AP3S2: variants seen among roughly 807,000 people sequenced by gnomAD.
AP3S2 encodes the protein AP-3 complex subunit sigma-2.
AP3S2 carries 22 observed loss-of-function variants against 23.4 expected under a neutral mutation model. That is an observed-to-expected ratio of 0.94 (90% CI 0.67 to 1.34). The LOEUF is 1.34. Among genes scored for constraint, AP3S2 ranks in the 40% most tolerant of loss-of-function variants. The pLI, the probability that AP3S2 is intolerant of heterozygous loss-of-function variation, is 0.00. For missense variants in AP3S2, 241 were observed against 236.9 expected, an observed-to-expected ratio of 1.02 and a Z score of -0.11; for synonymous variants, 86 against 87.1, an observed-to-expected ratio of 0.99 and a Z score of 0.07.
intron 4 of AP3S2, among the ~76,000 whole-genome samples, chr15:89,849,829 GC>G (rs35316530): frequency 0.23 from 34,643 of 151,462 alleles, 4,488 homozygotes; most frequent in South Asian, 0.31. Flanking sequence ...CCTTCTCCTA[GC>G]CCCCTACCCC....
intron 1 of AP3S2, 173 bp from the exon 2 acceptor site, chr15:89,889,313 T>C (rs977200987): frequency 3.0e-6 from 2 of 663,078 alleles, no homozygotes; most frequent in East Asian, 2.8e-5. Context: ...CTATGAAAGA[T>C]GGGTGACAAT....
chr15:89,881,397 TTAAAA>T (rs748549426), intron 3 of AP3S2, among the ~76,000 whole-genome samples: 33 of 152,322 alleles, frequency 2.2e-4, no homozygotes, highest in Non-Finnish European at 3.8e-4. Flanking sequence ...TAAATAAGTT[TTAAAA>T]TAAACTCAAA....
At chr15:89,837,786 G>GTTTCCT (rs1249762255) in intron 4 of AP3S2, 64 bp from the exon 5 acceptor site, 2 of 1,598,614 alleles carry the variant, frequency 1.3e-6, no homozygotes, top group African/African-American at 2.7e-5. Flanking sequence ...AACCCACGAG[G>GTTTCCT]TTTCCTTTTC....
intron 4 of AP3S2, among the ~76,000 whole-genome samples, chr15:89,864,692 C>A (rs1237838573): frequency 5.9e-5 from 9 of 152,070 alleles, no homozygotes; most frequent in East Asian, 5.8e-4. Context: ...TACAGGCACA[C>A]CACCACGCCC....
chr15:89,870,847 T>G (rs1184157057), intron 4 of AP3S2, among the ~76,000 whole-genome samples: 1 of 152,190 alleles, frequency 6.6e-6, no homozygotes, highest in Admixed American at 6.5e-5. Flanking sequence ...AAAATAAACA[T>G]GGCAATTCCT....
At chr15:89,861,610 A>G (rs904471496) in intron 4 of AP3S2, among the ~76,000 whole-genome samples, 4 of 152,114 alleles carry the variant, frequency 2.6e-5, no homozygotes, top group Non-Finnish European at 4.4e-5. Context: ...TACCCCAGAG[A>G]CTATGAAATC....
At chr15:89,849,762 G>C (rs991865857) in intron 4 of AP3S2, among the ~76,000 whole-genome samples, 6 of 151,994 alleles carry the variant, frequency 3.9e-5, no homozygotes, top group South Asian at 2.1e-4. Flanking sequence ...ACGTGCCATG[G>C]TGGTTTGTTG....
In AP3S2 at chr15:89,889,103, A is replaced by G; in HGVS notation, c.107T>C (p.Phe36Ser). 1 of 1,614,212 alleles carries G rather than the reference A, an allele frequency of 6.2e-7. No homozygotes were observed. Among genetic ancestry groups the G allele is most frequent in the South Asian group, 1.1e-5 (1 of 91,080 alleles). Reference protein sequence around the residue: ...EIQQQIVRETFHLVLKRDDNI... With the variant: ...EIQQQIVRETSHLVLKRDDNI... ...GTCATCCCGCTTGAGGACTAGATGG[A>G]AAGTCTCTCGAACAATCTGCTGTTG... The change falls in exon 2 of 6, where the codon TTC (phenylalanine) becomes TCC (serine). Residue 36 changes from phenylalanine (F) to serine (S), a missense_variant. Phe to Ser is a radical substitution (Grantham distance 155, BLOSUM62 -2). Transcript: ENST00000336418.
intron 3 of AP3S2, among the ~76,000 whole-genome samples, chr15:89,872,958 C>A (rs560610321): frequency 3.9e-5 from 6 of 152,180 alleles, no homozygotes; most frequent in Non-Finnish European, 7.3e-5. Flanking sequence ...GCTCTATGAT[C>A]TAGGAATTCT....
intron 3 of AP3S2, among the ~76,000 whole-genome samples, chr15:89,887,652 G>A (rs1039506133): frequency 3.3e-5 from 5 of 149,850 alleles, no homozygotes; most frequent in Middle Eastern, 3.6e-3. Context: ...ATGAGCCACC[G>A]CACCCGGCCT....
At chr15:89,878,482 CT>C in intron 3 of AP3S2, among the ~76,000 whole-genome samples, 1 of 152,310 alleles carries the variant, frequency 6.6e-6, no homozygotes, top group Admixed American at 6.5e-5. Context: ...AGCCTCACCA[CT>C]ATTCAGGGAA....
intron 4 of AP3S2, among the ~76,000 whole-genome samples, chr15:89,867,666 C>T (rs1170982884): frequency 2.2e-5 from 3 of 137,864 alleles, no homozygotes; most frequent in Non-Finnish European, 4.8e-5. Context: ...GCCCCGCCGC[C>T]CCATCTGGGT....
intron 1 of AP3S2, among the ~76,000 whole-genome samples, chr15:89,892,728 A>T (rs559869040): frequency 6.6e-6 from 1 of 152,156 alleles, no homozygotes; most frequent in South Asian, 2.1e-4. Flanking sequence ...CAGTGGCGCT[A>T]TCTTGGCTCA....
intron 4 of AP3S2, 62 bp from the exon 5 acceptor site, chr15:89,837,784 A>G: frequency 2.5e-6 from 4 of 1,601,738 alleles, no homozygotes; most frequent in Non-Finnish European, 3.4e-6. Flanking sequence ...GTAACCCACG[A>G]GGTTTCCTTT....
At chr15:89,879,790 T>C (rs753952714) in intron 3 of AP3S2, among the ~76,000 whole-genome samples, 5 of 151,810 alleles carry the variant, frequency 3.3e-5, no homozygotes, top group Non-Finnish European at 5.9e-5. Context: ...GCATTTTTAG[T>C]GGAGATACAG....
At chr15:89,873,442 G>A (rs572412636) in intron 3 of AP3S2, among the ~76,000 whole-genome samples, 14 of 151,882 alleles carry the variant, frequency 9.2e-5, no homozygotes, top group Admixed American at 2.6e-4. Context: ...GCACCACCAC[G>A]CCTGGCTAAT....
At chr15:89,840,247 G>A (rs962016253) in intron 4 of AP3S2, among the ~76,000 whole-genome samples, 3 of 152,120 alleles carry the variant, frequency 2.0e-5, no homozygotes, top group Non-Finnish European at 4.4e-5. Flanking sequence ...TAACAAAAAA[G>A]GAGAGAAATA....
At chr15:89,857,579 T>A (rs1457872745) in intron 4 of AP3S2, among the ~76,000 whole-genome samples, 1 of 152,238 alleles carries the variant, frequency 6.6e-6, no homozygotes, top group Non-Finnish European at 1.5e-5. Flanking sequence ...GTATAGAAGA[T>A]ATAAATGCCC....
At chr15:89,862,903 T>A (rs1400598141) in intron 4 of AP3S2, among the ~76,000 whole-genome samples, 3 of 152,204 alleles carry the variant, frequency 2.0e-5, no homozygotes, top group African/African-American at 7.2e-5. Flanking sequence ...CATGAAAATT[T>A]TTTTTTAAAT....
Sources: allele counts gnomAD v4.1 joint callset (sites outside exome capture counted in the v4.1 genomes callset), GRCh38; gene constraint gnomAD v4.1.1; transcripts MANE v1.5; gene names NCBI Gene and HGNC (gene_info 2026-07-23, HGNC 2026-07-21).